The following DYNC2H1 variants were observed in gnomAD, a reference collection of about 807,000 sequenced individuals.
The protein encoded by DYNC2H1 is dynein cytoplasmic 2 heavy chain 1.
In DYNC2H1, 410 loss-of-function variants were observed where a neutral mutation model predicts 570.0. The ratio of observed to expected loss-of-function variants is 0.72; its 90% CI spans 0.66 to 0.78. The LOEUF (loss-of-function observed/expected upper bound fraction) is 0.78. Ranked by LOEUF, DYNC2H1 falls within the 30% of genes least tolerant of loss-of-function variation. DYNC2H1 has a pLI of 0.00. For synonymous variants in DYNC2H1, 1,688 were observed against 1,677.6 expected (o/e 1.01, Z -0.15); for missense variants, 4,865 against 5,046.4 (o/e 0.96, Z 1.09).
chr11:103,196,841 T>G (rs1862524923), intron 47 of DYNC2H1, among the ~76,000 whole-genome samples: 1 of 152,122 alleles, frequency 6.6e-6, no homozygotes, highest in South Asian at 2.1e-4. Flanking sequence ...CCCAAATAAG[T>G]TTTAGTATAG....
At chr11:103,164,459 G>T (rs1861217748) in intron 30 of DYNC2H1, among the ~76,000 whole-genome samples, 1 of 152,118 alleles carries the variant, frequency 6.6e-6, no homozygotes, top group Non-Finnish European at 1.5e-5. Flanking sequence ...AGCATAATTG[G>T]CTATTATGTA....
intron 55 of DYNC2H1, among the ~76,000 whole-genome samples, chr11:103,217,027 T>A (rs1262024521): frequency 6.6e-6 from 1 of 152,198 alleles, no homozygotes; most frequent in Non-Finnish European, 1.5e-5. Flanking sequence ...CTGTCAATTT[T>A]ATTTCCCTGA....
chr11:103,125,232 C>CA lies in DYNC2H1; in HGVS notation c.1798dup (p.Ile600AsnfsTer19), dbSNP rs1488665822. On this transcript the variant is annotated frameshift_variant, in exon 12 of 89. Transcript: ENST00000375735. LOFTEE classifies it high-confidence loss of function. ...CTGCACTTGGCTTTGTTATTCCTGCCAAAATACAGCAAGTTGCAAACATTG... is the reference window on the plus strand; with the variant it reads ...CTGCACTTGGCTTTGTTATTCCTGCCAAAAATACAGCAAGTTGCAAACATTG... The CA allele has an allele frequency of 6.2e-7, 1 of 1,612,892 alleles. No individual in the cohort carries two copies. The highest frequency in any genetic ancestry group is 8.5e-7 in the Non-Finnish European group (1 of 1,179,466).
intron 84 of DYNC2H1, among the ~76,000 whole-genome samples, chr11:103,432,489 T>C (rs759288415): frequency 1.3e-5 from 2 of 152,164 alleles, no homozygotes; most frequent in Non-Finnish European, 2.9e-5. Context: ...CACTGCACTG[T>C]ATGTTCGTTA....
chr11:103,467,658 C>T (rs1279400161), intron 87 of DYNC2H1, among the ~76,000 whole-genome samples: 1 of 152,156 alleles, frequency 6.6e-6, no homozygotes, highest in East Asian at 1.9e-4. Context: ...CTGCCTCCGC[C>T]TCCAGAGTAG....
At chr11:103,292,956 A>G (rs1591534904) in intron 75 of DYNC2H1, among the ~76,000 whole-genome samples, 1 of 152,202 alleles carries the variant, frequency 6.6e-6, no homozygotes, top group East Asian at 1.9e-4. Context: ...TGCCTAACAC[A>G]AGTGACTTAC....
chr11:103,427,208 T>C (rs542606055), intron 84 of DYNC2H1, among the ~76,000 whole-genome samples: 1 of 152,270 alleles, frequency 6.6e-6, no homozygotes, highest in South Asian at 2.1e-4. Context: ...TAAATGAATG[T>C]ATCACAGAAA....
chr11:103,305,604 G>T lies in DYNC2H1; in HGVS notation c.11382+884G>T, dbSNP rs974319010. Among the ~76,000 whole-genome samples, 1 of 152,104 alleles carries T rather than the reference G, an allele frequency of 6.6e-6. No individual in the cohort carries two copies. Among genetic ancestry groups the T allele is most frequent in the Non-Finnish European group, 1.5e-5 (1 of 68,012 alleles). The stretch of plus-strand genomic sequence containing the variant: ...TAATTTTTTCTGGCAGTGGTATATA[G>T]AATAGAAACAAACAGAATAGAGTAA... On this transcript the variant is annotated intron_variant, in intron 77 of 88. Coordinates refer to ENST00000375735, the MANE Select transcript of DYNC2H1 (RefSeq NM_001377.3). The surrounding 1 kb of genome is among the most constrained non-coding windows in gnomAD (Gnocchi z 4.3).
At chr11:103,452,667 T>C (rs542753740) in intron 85 of DYNC2H1, among the ~76,000 whole-genome samples, 5 of 152,080 alleles carry the variant, frequency 3.3e-5, no homozygotes, top group African/African-American at 1.2e-4. Context: ...AGGATAGCCT[T>C]TTACCTTCAA....
chr11:103,324,354 CTGT>C lies in DYNC2H1; in HGVS notation c.12039+369_12039+371del, dbSNP rs1591579345. On this transcript the variant is annotated intron_variant, in intron 82 of 88. Coordinates refer to ENST00000375735, the MANE Select transcript of DYNC2H1 (RefSeq NM_001377.3). This position sits in a 1 kb window ranked among gnomAD's most constrained non-coding sequence, Gnocchi z 5.2. ...TCCACCCTCAAGTAGGCCCTGGTGT[CTGT>C]TGTTCCCTTCTTTGTATCCATGTAT... 1.3e-5 allele frequency among the ~76,000 whole-genome samples: 2 copies of C among 152,214 alleles called. No individual in the cohort carries two copies. Among genetic ancestry groups the C allele is most frequent in the East Asian group, 3.9e-4 (2 of 5,176 alleles).
chr11:103,273,098 C>G (rs1322036682), intron 70 of DYNC2H1, among the ~76,000 whole-genome samples: 1 of 151,556 alleles, frequency 6.6e-6, no homozygotes, highest in African/African-American at 2.4e-5. Context: ...ATTCAGAAAG[C>G]CTTAATTTAT....
chr11:103,398,695 T>C (rs1484463897), intron 83 of DYNC2H1, among the ~76,000 whole-genome samples: 2 of 152,196 alleles, frequency 1.3e-5, no homozygotes, highest in African/African-American at 4.8e-5. Flanking sequence ...TTGACACTTT[T>C]AGACTATTAT....
chr11:103,283,818 A>C (rs1181207635), intron 73 of DYNC2H1, among the ~76,000 whole-genome samples: 1 of 152,124 alleles, frequency 6.6e-6, no homozygotes, highest in East Asian at 1.9e-4. Context: ...TCATTTCATA[A>C]ACATTGGTTG....
chr11:103,345,399 A>T (rs1479963584), intron 82 of DYNC2H1, among the ~76,000 whole-genome samples: 2 of 152,122 alleles, frequency 1.3e-5, no homozygotes, highest in Non-Finnish European at 2.9e-5. Context: ...TGTTATGTCA[A>T]ATTGTTTTTA....
rs1865059252 is a variant in DYNC2H1, at chr11:103,256,409, T to C, written c.10461+169T>C. On this transcript the variant is annotated intron_variant, in intron 68 of 88. Transcript: ENST00000375735. The surrounding 1 kb of genome is among the most constrained non-coding windows in gnomAD (Gnocchi z 4.0). ...GATTCTAGTTATTGTAGAGAGGGAA[T>C]TCAGATGTTGGCACACTGAGGATAA... 6.6e-6 allele frequency among the ~76,000 whole-genome samples: 1 copy of C among 152,198 alleles called. No homozygotes were observed. Among genetic ancestry groups the C allele is most frequent in the Non-Finnish European group, 1.5e-5 (1 of 68,018 alleles).
chr11:103,182,959 G>T (rs928972599), intron 40 of DYNC2H1, among the ~76,000 whole-genome samples: 1 of 151,834 alleles, frequency 6.6e-6, no homozygotes, highest in African/African-American at 2.4e-5. Flanking sequence ...GGGTTTTCCT[G>T]GAGGCCTAGG....
intron 12 of DYNC2H1, 126 bp downstream of exon 12, chr11:103,125,421 T>C: frequency 4.3e-6 from 3 of 697,286 alleles, no homozygotes; most frequent in Non-Finnish European, 6.5e-6. Context: ...TGTGAAATTA[T>C]GTTTTACTAA....
At chr11:103,351,530 T>C (rs572353924) in intron 82 of DYNC2H1, among the ~76,000 whole-genome samples, 1 of 152,290 alleles carries the variant, frequency 6.6e-6, no homozygotes, top group African/African-American at 2.4e-5. Context: ...TTGCTAGGGG[T>C]AATTTGTTAA....
chr11:103,230,602 T>G (rs943572668), intron 59 of DYNC2H1, among the ~76,000 whole-genome samples: 3 of 152,214 alleles, frequency 2.0e-5, no homozygotes, highest in Non-Finnish European at 4.4e-5. Context: ...TCTTCTGTAT[T>G]TAGCTTTATT....
Sources: allele counts gnomAD v4.1 joint callset (sites outside exome capture counted in the v4.1 genomes callset), GRCh38; gene constraint gnomAD v4.1.1; non-coding constraint Gnocchi (gnomAD v3.1); transcripts MANE v1.5; gene names NCBI Gene and HGNC (gene_info 2026-07-23, HGNC 2026-07-21).